RBM4: variants seen among roughly 807,000 people sequenced by gnomAD.
The protein encoded by RBM4 is RNA-binding protein 4.
RBM4 carries 7 observed loss-of-function variants against 29.5 expected under a neutral mutation model. That is an observed-to-expected ratio of 0.24 (90% CI 0.14 to 0.45). RBM4 has a LOEUF of 0.45. Among genes scored for constraint, RBM4 ranks in the 20% least tolerant of loss-of-function variants. The pLI is 1.00. For missense variants in RBM4, 387 were observed against 502.3 expected, an observed-to-expected ratio of 0.77 and a Z score of 2.19; for synonymous variants, 220 against 205.4, an observed-to-expected ratio of 1.07 and a Z score of -0.61.
downstream of RBM4, among the ~76,000 whole-genome samples, chr11:66,649,207 A>G (rs890549246): frequency 6.6e-6 from 1 of 152,092 alleles, no homozygotes; most frequent in Non-Finnish European, 1.5e-5. Context: ...GAGTTTCACC[A>G]TGGCCAAGCT....
At chr11:66,659,618 A>G (rs1350329908) in intron 2 of RBM4, among the ~76,000 whole-genome samples, 1 of 152,140 alleles carries the variant, frequency 6.6e-6, no homozygotes, top group African/African-American at 2.4e-5. Context: ...TATCTGAGAT[A>G]GAGCTCCTGA....
exon 3 of RBM4, chr11:66,667,577 CA>C (rs1318729827): frequency 6.6e-6 from 1 of 152,128 alleles, no homozygotes; most frequent in Non-Finnish European, 1.5e-5. Context: ...AACATCAAAA[CA>C]TTCAACTTTC....
intron 2 of RBM4, among the ~76,000 whole-genome samples, chr11:66,662,345 CTT>C (rs372635167): frequency 5.9e-5 from 9 of 152,286 alleles, no homozygotes; most frequent in African/African-American, 1.9e-4. Context: ...ATATAGAACT[CTT>C]TTGCAGAAAA....
intron 2 of RBM4, among the ~76,000 whole-genome samples, chr11:66,660,848 G>A (rs898798876): frequency 1.8e-4 from 28 of 151,844 alleles, no homozygotes; most frequent in African/African-American, 6.3e-4. Flanking sequence ...GTAGAGGCAG[G>A]GTTTCACCAT....
downstream of RBM4, among the ~76,000 whole-genome samples, chr11:66,650,616 C>G (rs918121483): frequency 6.6e-6 from 1 of 151,734 alleles, no homozygotes; most frequent in East Asian, 1.9e-4. Flanking sequence ...GTATTCCCAG[C>G]GCTTTGGGAG....
In RBM4 at chr11:66,660,349, CTCTT is replaced by C. The variant is rs1451369086; in HGVS notation, c.413-5505_413-5502del. Among the ~76,000 whole-genome samples, 14 of 145,270 alleles carry C rather than the reference CTCTT, an allele frequency of 9.6e-5. No individual in the cohort carries two copies. In the East Asian group the frequency reaches 1.2e-3, roughly 12 times the overall value. On this transcript the variant is annotated intron_variant, in intron 2 of 2. Coordinates refer to the RBM4 transcript ENST00000396053. Reference sequence around the variant, plus strand: ...TTCTTTTTTTTTGAGATGGGAGTCTCTCTTTTTTTTTTTTTTTTTTTGAGACAGA... The same window carrying C: ...TTCTTTTTTTTTGAGATGGGAGTCTCTTTTTTTTTTTTTTTTTGAGACAGA...
At chr11:66,649,315 T>C (rs988241114), downstream of RBM4, among the ~76,000 whole-genome samples, 15 of 152,194 alleles carry the variant, frequency 9.9e-5, no homozygotes, top group African/African-American at 3.4e-4. Context: ...ATTTATTGAC[T>C]TGTTGAGAGG....
downstream of RBM4, among the ~76,000 whole-genome samples, chr11:66,649,189 T>C (rs1938772678): frequency 6.6e-6 from 1 of 151,992 alleles, no homozygotes; most frequent in Non-Finnish European, 1.5e-5. Context: ...GTATTTTTAG[T>C]AGAGATGGAG....
At chr11:66,653,363 T>TA (rs1491358441) in intron 2 of RBM4, among the ~76,000 whole-genome samples, 1 of 124 alleles carries the variant, frequency 8.1e-3, no homozygotes, top group Non-Finnish European at 0.014. Flanking sequence ...TACTTAATGA[T>TA]TTTTTTTTTT....
intron 2 of RBM4, chr11:66,665,618 G>T: frequency 6.5e-7 from 1 of 1,535,764 alleles, no homozygotes; most frequent in Non-Finnish European, 8.7e-7. Flanking sequence ...CACAATGCCT[G>T]GAGAGCAGCC....
chr11:66,665,538 A>C (rs2135224469), intron 2 of RBM4: 2 of 1,495,546 alleles, frequency 1.3e-6, no homozygotes, highest in African/African-American at 1.4e-5. Flanking sequence ...AAGTTCTCAT[A>C]TATGACCGCA....
chr11:66,641,671 A>C (rs1938470273), intron 2 of RBM4, among the ~76,000 whole-genome samples: 1 of 151,954 alleles, frequency 6.6e-6, no homozygotes, highest in Non-Finnish European at 1.5e-5. Context: ...GGGTGTCTGA[A>C]CCCTAGGTCC....
At position 66,639,452 on chromosome 11, in the gene RBM4, T is replaced by C. The variant is rs1249889200; in HGVS notation, c.-12-248T>C. ...GCCCATTTCTGTTGGAAGGTATCGG[T>C]TCTTACCAAACCCTTTGTCTACTAA... On this transcript the variant is annotated intron_variant, in intron 1 of 3. Coordinates refer to ENST00000310092, the MANE Select transcript of RBM4 (RefSeq NM_002896.4). 4 of 550,674 alleles carry C rather than the reference T, an allele frequency of 7.3e-6. No individual in the cohort carries two copies. In the African/African-American group the frequency reaches 7.5e-5, roughly 10 times the overall value. 34.1% of individuals were successfully genotyped at this position (550,674 alleles called of 1,614,324 possible). A position where few individuals can be genotyped will look rare whatever the true frequency, so the allele number is the denominator to read the frequency against.
At chr11:66,665,966 G>A in exon 3 of RBM4, 5 of 1,523,840 alleles carry the variant, frequency 3.3e-6, no homozygotes, top group Non-Finnish European at 4.4e-6. Context: ...AAGATGCTGA[G>A]ATGTCATATA....
At chr11:66,648,108 A>G (rs564196579), downstream of RBM4, among the ~76,000 whole-genome samples, 49 of 152,298 alleles carry the variant, frequency 3.2e-4, no homozygotes, top group African/African-American at 1.2e-3. Flanking sequence ...CAGGAGGCTG[A>G]GGCAGGAGAA....
rs1176513666 is a variant in RBM4 at position 66,643,243 on chromosome 11, T to C, written c.413-207T>C. ...CTGTTGTTATAGCTGAAATATTTCT[T>C]CATCTAAGTGGTCTTTTCCTGAAAT... On this transcript the variant is annotated intron_variant, in intron 2 of 3. Coordinates refer to ENST00000310092, the MANE Select transcript of RBM4 (RefSeq NM_002896.4). This position sits in a 1 kb window ranked among gnomAD's most constrained non-coding sequence, Gnocchi z 6.1. Among the ~76,000 whole-genome samples the C allele has an allele frequency of 6.6e-6, 1 of 152,222 alleles. No homozygotes were observed. The highest frequency in any genetic ancestry group is 6.5e-5 in the Admixed American group (1 of 15,284).
At chr11:66,653,829 T>C (rs999230304) in intron 2 of RBM4, among the ~76,000 whole-genome samples, 2 of 151,604 alleles carry the variant, frequency 1.3e-5, no homozygotes, top group Non-Finnish European at 2.9e-5. Flanking sequence ...CTTTTTTTTT[T>C]CTGAGACAGA....
intron 2 of RBM4, among the ~76,000 whole-genome samples, chr11:66,642,498 T>C (rs1938511102): frequency 6.6e-6 from 1 of 152,220 alleles, no homozygotes; most frequent in African/African-American, 2.4e-5. Context: ...AGTAATACTT[T>C]TCATTTCCAG....
chr11:66,663,072 A>G (rs980656125), intron 2 of RBM4, among the ~76,000 whole-genome samples: 4 of 152,214 alleles, frequency 2.6e-5, no homozygotes, highest in African/African-American at 9.6e-5. Context: ...TTGTAGGTAA[A>G]ATTTCACATG....
Sources: allele counts gnomAD v4.1 joint callset (sites outside exome capture counted in the v4.1 genomes callset), GRCh38; gene constraint gnomAD v4.1.1; non-coding constraint Gnocchi (gnomAD v3.1); transcripts MANE v1.5; gene names NCBI Gene and HGNC (gene_info 2026-07-23, HGNC 2026-07-21).